NKAIN3: variants seen among roughly 807,000 people sequenced by gnomAD.
NKAIN3 encodes the protein sodium/potassium-transporting ATPase subunit beta-1-interacting protein 3.
In NKAIN3, 25 loss-of-function variants were observed where a neutral mutation model predicts 30.2. The ratio of observed to expected loss-of-function variants is 0.83; its 90% CI spans 0.60 to 1.16. The LOEUF (loss-of-function observed/expected upper bound fraction) is 1.16, where lower values mean the gene tolerates loss of function less well. NKAIN3 is among the 50% of genes most tolerant of loss of function. NKAIN3 has a pLI of 0.00. For missense variants in NKAIN3, 225 were observed against 254.1 expected (o/e 0.89, Z 0.78); for synonymous variants, 91 against 89.6 (o/e 1.02, Z -0.09).
At chr8:62,741,695 T>A (rs1012227954) in intron 3 of NKAIN3, among the ~76,000 whole-genome samples, 1 of 152,234 alleles carries the variant, frequency 6.6e-6, no homozygotes, top group Non-Finnish European at 1.5e-5. Context: ...GTATATAAGT[T>A]GTCAACTCTA....
chr8:62,262,690 A>G (rs1812481856), intron 1 of NKAIN3, among the ~76,000 whole-genome samples: 4 of 152,144 alleles, frequency 2.6e-5, no homozygotes, highest in African/African-American at 9.6e-5. Context: ...GGAAATACAC[A>G]GATGGAGTTG....
chr8:62,854,937 G>T (rs1820015523), intron 4 of NKAIN3: 1 of 152,916 alleles, frequency 6.5e-6, no homozygotes, highest in Admixed American at 6.5e-5. Context: ...GACAGCATTT[G>T]CCTGCCTAAG....
chr8:62,703,240 G>A (rs1814400292), intron 3 of NKAIN3, among the ~76,000 whole-genome samples: 1 of 151,952 alleles, frequency 6.6e-6, no homozygotes, highest in African/African-American at 2.4e-5. Context: ...TAATAGCACT[G>A]CTTAATCTTA....
intron 4 of NKAIN3, among the ~76,000 whole-genome samples, chr8:62,818,300 C>T (rs1438530981): frequency 2.0e-5 from 3 of 152,110 alleles, no homozygotes; most frequent in East Asian, 3.9e-4. Context: ...TCTGTGAGAT[C>T]GTAATTATTT....
intron 4 of NKAIN3, among the ~76,000 whole-genome samples, chr8:62,845,571 G>A (rs903563600): frequency 1.3e-5 from 2 of 151,890 alleles, no homozygotes; most frequent in African/African-American, 4.8e-5. Context: ...AACTGATGTA[G>A]CTTACACATT....
chr8:62,802,481 T>A (rs1384011516), intron 4 of NKAIN3, among the ~76,000 whole-genome samples: 1 of 151,780 alleles, frequency 6.6e-6, no homozygotes, highest in Non-Finnish European at 1.5e-5. Flanking sequence ...TCTTATAGAA[T>A]TTTCAACCCA....
intron 1 of NKAIN3, among the ~76,000 whole-genome samples, chr8:62,399,062 G>T (rs903425376): frequency 1.3e-5 from 2 of 152,088 alleles, no homozygotes; most frequent in South Asian, 2.1e-4. Context: ...TTGCACTCCC[G>T]CCTGGGTGAC....
intron 3 of NKAIN3, among the ~76,000 whole-genome samples, chr8:62,597,343 A>G (rs1326599945): frequency 6.6e-6 from 1 of 152,064 alleles, no homozygotes; most frequent in Non-Finnish European, 1.5e-5. Flanking sequence ...TTCCTTAATT[A>G]GTGTGTATAA....
At position 62,835,659 on chromosome 8, in the gene NKAIN3, G is replaced by A. The variant is rs80307540; in HGVS notation, c.472-82794G>A. ...CAATGAGATACATCCTACCCTAGTC[G>A]CAATGGCTATTATTAGGAAGTCAAA... On this transcript the variant is annotated intron_variant, in intron 4 of 6. Coordinates refer to ENST00000623646, the MANE Select transcript of NKAIN3 (RefSeq NM_001304533.3). 9.5e-3 allele frequency among the ~76,000 whole-genome samples: 1,451 copies of A among 151,944 alleles called. 23 individuals are homozygous for A. The highest frequency in any genetic ancestry group is 0.034 in the African/African-American group (1,408 of 41,462).
chr8:62,695,173 T>C (rs1814111720), intron 3 of NKAIN3, among the ~76,000 whole-genome samples: 1 of 152,204 alleles, frequency 6.6e-6, no homozygotes, highest in Non-Finnish European at 1.5e-5. Flanking sequence ...CCAATCATAC[T>C]GTATTACAAT....
chr8:62,368,146 C>A lies in NKAIN3; in HGVS notation c.54+119019C>A, dbSNP rs181861829. 3.3e-5 allele frequency among the ~76,000 whole-genome samples: 5 copies of A among 152,128 alleles called. No individual in the cohort carries two copies. In the South Asian group the frequency reaches 6.2e-4, roughly 19 times the overall value. On this transcript the variant is annotated intron_variant, in intron 1 of 6. Transcript: ENST00000623646. ...TATTTTTTAAATGTTCATACTCCCC[C>A]CAAGGAGATCTACAAATTCACTACA... is the stretch of plus-strand genomic sequence containing the variant.
At chr8:62,513,931 G>A (rs1807900305) in intron 1 of NKAIN3, among the ~76,000 whole-genome samples, 1 of 149,688 alleles carries the variant, frequency 6.7e-6, no homozygotes, top group South Asian at 2.1e-4. Flanking sequence ...GAGATGACAT[G>A]GAACTTAGGA....
chr8:62,398,548 A>G (rs1057106934), intron 1 of NKAIN3, among the ~76,000 whole-genome samples: 31 of 152,352 alleles, frequency 2.0e-4, no homozygotes, highest in African/African-American at 7.5e-4. Context: ...GACTGAAAGT[A>G]CATGGTAGTA....
At chr8:62,404,389 G>A (rs890316747) in intron 1 of NKAIN3, among the ~76,000 whole-genome samples, 3 of 152,144 alleles carry the variant, frequency 2.0e-5, no homozygotes, top group South Asian at 2.1e-4. Flanking sequence ...CCCAAAGCTC[G>A]TCTTGAATTG....
intron 3 of NKAIN3, among the ~76,000 whole-genome samples, chr8:62,642,726 G>A (rs1021081688): frequency 2.0e-5 from 3 of 151,972 alleles, no homozygotes; most frequent in African/African-American, 7.2e-5. Context: ...AGACAAAGTA[G>A]GTAGTTTACT....
At chr8:62,837,241 C>T (rs1242254234) in intron 4 of NKAIN3, among the ~76,000 whole-genome samples, 2 of 152,098 alleles carry the variant, frequency 1.3e-5, no homozygotes, top group Non-Finnish European at 2.9e-5. Context: ...TTCTATGTAT[C>T]TTCATAGATA....
rs139116997 is a variant in NKAIN3 at position 62,670,468 on chromosome 8, C to G, written c.274-76464C>G. Among the ~76,000 whole-genome samples, 503 of 152,288 alleles carry G rather than the reference C, an allele frequency of 3.3e-3. 5 individuals are homozygous for G. The highest frequency in any genetic ancestry group is 0.011 in the African/African-American group (476 of 41,540). Reference sequence around the variant, plus strand: ...CACAACGAAGAAAGCAGTTACCATACTGTTAACTCCTTTGGTATTCTCTAT... The same window carrying G: ...CACAACGAAGAAAGCAGTTACCATAGTGTTAACTCCTTTGGTATTCTCTAT... On this transcript the variant is annotated intron_variant, in intron 3 of 6. Transcript: ENST00000623646.
chr8:62,544,277 ACAG>A (rs1808939827), intron 1 of NKAIN3, among the ~76,000 whole-genome samples: 1 of 152,192 alleles, frequency 6.6e-6, no homozygotes, highest in Non-Finnish European at 1.5e-5. Flanking sequence ...TGCTGGGATT[ACAG>A]CTGTGAGCCA....
At chr8:62,664,742 C>G (rs982674823) in intron 3 of NKAIN3, among the ~76,000 whole-genome samples, 1 of 152,130 alleles carries the variant, frequency 6.6e-6, no homozygotes, top group Non-Finnish European at 1.5e-5. Context: ...TTCTTCTCCC[C>G]CCTATGCATC....
Sources: allele counts gnomAD v4.1 joint callset (sites outside exome capture counted in the v4.1 genomes callset), GRCh38; gene constraint gnomAD v4.1.1; transcripts MANE v1.5; gene names NCBI Gene and HGNC (gene_info 2026-07-23, HGNC 2026-07-21).